RPS6KC1: variants seen among roughly 807,000 people sequenced by gnomAD.
RPS6KC1 encodes the protein inactive ribosomal protein S6 kinase delta-1.
A neutral mutation model predicts 103.8 loss-of-function variants in RPS6KC1; 54 were observed. The observed-to-expected ratio is 0.52, with a 90% CI of 0.42 to 0.65. The LOEUF is 0.65. Among genes scored for constraint, RPS6KC1 ranks in the 30% least tolerant of loss-of-function variants. The probability of loss-of-function intolerance (pLI) is 0.00; values close to 1 mark genes in which losing one functional copy is unlikely to be tolerated. For synonymous variants in RPS6KC1, 439 were observed against 438.7 expected, an observed-to-expected ratio of 1.00 and a Z score of -0.01; for missense variants, 1,151 against 1,253.8, an observed-to-expected ratio of 0.92 and a Z score of 1.24.
chr1:213,389,837 T>A, the RPS6KC1 span, among the ~76,000 whole-genome samples: 5,697 of 152,244 alleles, frequency 0.037, 354 homozygotes, highest in African/African-American at 0.13. Flanking sequence ...CAGCCCTGAA[T>A]CTGGGGTGTT....
At chr1:213,706,921 G>A in the RPS6KC1 span, among the ~76,000 whole-genome samples, 2 of 152,098 alleles carry the variant, frequency 1.3e-5, no homozygotes, top group African/African-American at 4.8e-5. Flanking sequence ...GTGTATATAT[G>A]CCACATTTTC....
At chr1:213,646,830 A>T in the RPS6KC1 span, among the ~76,000 whole-genome samples, 1 of 151,964 alleles carries the variant, frequency 6.6e-6, no homozygotes, top group African/African-American at 2.4e-5. Flanking sequence ...GGTTATAAAA[A>T]GTGACTCCAG....
At chr1:213,727,308 C>A in the RPS6KC1 span, among the ~76,000 whole-genome samples, 8 of 152,100 alleles carry the variant, frequency 5.3e-5, no homozygotes, top group African/African-American at 1.7e-4. Context: ...ATCCTCTGTG[C>A]AAATACTAAG....
the RPS6KC1 span, among the ~76,000 whole-genome samples, chr1:213,607,334 T>A: frequency 6.6e-6 from 1 of 152,142 alleles, no homozygotes; most frequent in Admixed American, 6.5e-5. Flanking sequence ...CACAGAACAA[T>A]ATAGTCTTAG....
chr1:213,235,223 CTCTT>C (rs1174436818), intron 10 of RPS6KC1, among the ~76,000 whole-genome samples: 1 of 152,182 alleles, frequency 6.6e-6, no homozygotes, highest in Non-Finnish European at 1.5e-5. Context: ...GTCTCTTGGA[CTCTT>C]TCTTTCCATT....
the RPS6KC1 span, among the ~76,000 whole-genome samples, chr1:213,549,228 C>T: frequency 6.6e-6 from 1 of 152,252 alleles, no homozygotes; most frequent in South Asian, 2.1e-4. Context: ...AAGGCAGGGA[C>T]CCCTCAAGCA....
At chr1:213,621,705 A>G in the RPS6KC1 span, among the ~76,000 whole-genome samples, 2 of 152,202 alleles carry the variant, frequency 1.3e-5, no homozygotes, top group Non-Finnish European at 2.9e-5. Context: ...GGCCTAATGC[A>G]AAGTGAAAAT....
chr1:213,401,058 C>A, the RPS6KC1 span, among the ~76,000 whole-genome samples: 17 of 152,184 alleles, frequency 1.1e-4, no homozygotes, highest in Non-Finnish European at 5.9e-5. Context: ...TAACAGACAG[C>A]CTGAGATGGG....
At chr1:213,587,191 C>T in the RPS6KC1 span, among the ~76,000 whole-genome samples, 1 of 152,156 alleles carries the variant, frequency 6.6e-6, no homozygotes, top group African/African-American at 2.4e-5. Context: ...GGGTGAGGAA[C>T]AGGGTTGTTT....
Position 213,273,413 on chromosome 1 carries a change from C to T in RPS6KC1, c.*779C>T, listed in dbSNP as rs1465461634. ...AAAAGGGAAGGGAGTGCTTATTTCC[C>T]TTTGTGTAAGGACTAAGAAATCATG... On this transcript the variant is annotated 3_prime_UTR_variant, in exon 15 of 15. Transcript: ENST00000366960. The T allele has an allele frequency of 6.6e-6, 1 of 152,576 alleles. No individual in the cohort carries two copies. Among genetic ancestry groups the T allele is most frequent in the Non-Finnish European group, 1.5e-5 (1 of 68,030 alleles). The allele number at this position is 152,576 out of a possible 1,614,324, so 9.5% of individuals were successfully genotyped here. A position where few individuals can be genotyped will look rare whatever the true frequency, so the allele number is the denominator to read the frequency against.
At chr1:213,338,363 C>A in the RPS6KC1 span, among the ~76,000 whole-genome samples, 2 of 152,284 alleles carry the variant, frequency 1.3e-5, no homozygotes, top group South Asian at 4.1e-4. Context: ...CCTGGCCATT[C>A]TTACTGTACT....
chr1:213,415,259 A>C, the RPS6KC1 span, among the ~76,000 whole-genome samples: 2 of 152,248 alleles, frequency 1.3e-5, no homozygotes, highest in Non-Finnish European at 2.9e-5. Flanking sequence ...ATACCAACTT[A>C]ATCATATTAT....
the RPS6KC1 span, among the ~76,000 whole-genome samples, chr1:213,635,670 T>C: frequency 2.6e-5 from 4 of 152,162 alleles, no homozygotes; most frequent in Admixed American, 1.3e-4. Flanking sequence ...TCATACTGAA[T>C]GGGCAAAAAC....
At chr1:213,205,567 T>TATATATATA (rs57191154) in intron 8 of RPS6KC1, among the ~76,000 whole-genome samples, 6 of 138,672 alleles carry the variant, frequency 4.3e-5, no homozygotes, top group South Asian at 2.3e-4. Flanking sequence ...TATATATATA[T>TATATATATA]TTCAAAAGAA....
chr1:213,491,305 T>C, the RPS6KC1 span, among the ~76,000 whole-genome samples: 2 of 152,158 alleles, frequency 1.3e-5, no homozygotes, highest in African/African-American at 2.4e-5. Context: ...CCCAGCATTT[T>C]GGGAGGTTGA....
the RPS6KC1 span, among the ~76,000 whole-genome samples, chr1:213,694,824 T>C: frequency 3.9e-5 from 6 of 152,332 alleles, no homozygotes; most frequent in East Asian, 1.2e-3. Flanking sequence ...TCAACATTCA[T>C]ATGTTCAACA....
At chr1:213,753,541 T>A in the RPS6KC1 span, among the ~76,000 whole-genome samples, 3 of 152,198 alleles carry the variant, frequency 2.0e-5, no homozygotes, top group Non-Finnish European at 4.4e-5. Flanking sequence ...CTTCATTCCA[T>A]CACAGAACTG....
At chr1:213,296,391 G>A in the RPS6KC1 span, among the ~76,000 whole-genome samples, 1 of 152,158 alleles carries the variant, frequency 6.6e-6, no homozygotes, top group African/African-American at 2.4e-5. Context: ...TCAATGCAAA[G>A]AGAGCCAAGT....
the RPS6KC1 span, among the ~76,000 whole-genome samples, chr1:213,855,223 C>T: frequency 3.2e-4 from 48 of 152,188 alleles, no homozygotes; most frequent in Non-Finnish European, 6.0e-4. Flanking sequence ...TCCCAGAAAA[C>T]AAAGTCAAAT....
Sources: gnomAD v4.1 joint callset for allele counts (sites outside exome capture counted in the v4.1 genomes callset) on GRCh38, gnomAD v4.1.1 for gene constraint, MANE v1.5 for transcripts, NCBI Gene and HGNC (gene_info 2026-07-23, HGNC 2026-07-21) for gene names.